Variants in WNT10B observed in about 807,000 individuals in gnomAD.
WNT10B encodes protein Wnt-10b.
A neutral mutation model predicts 32.7 loss-of-function variants in WNT10B; 26 were observed. The ratio of observed to expected loss-of-function variants is 0.79; its 90% CI spans 0.58 to 1.10. The LOEUF is 1.10. WNT10B is among the 50% of genes least tolerant of loss of function. WNT10B has a pLI of 0.00. For missense variants in WNT10B, 474 were observed against 532.5 expected, an observed-to-expected ratio of 0.89 and a Z score of 1.08; for synonymous variants, 204 against 220.4, an observed-to-expected ratio of 0.93 and a Z score of 0.66.
chr12:48,968,061 C>T lies in WNT10B; in HGVS notation c.596G>A (p.Cys199Tyr). Residue 199 changes from cysteine to tyrosine, a missense_variant, in exon 4 of 5, where the codon TGT (cysteine) becomes TAT (tyrosine). Physicochemically the swap from Cys to Tyr is radical, Grantham distance 194. Transcript: ENST00000301061. ...CTCTCCAAAGTCCATGTCATGGTTA[C>T]AGCCACCCCATTCCCATGTGTCCTG... ...GPQDTWEWGGCNHDMDFGEKF... is the reference protein window; with the variant it reads ...GPQDTWEWGGYNHDMDFGEKF... 4.3e-6 allele frequency: 7 copies of T among 1,614,274 alleles called. No homozygotes were observed. Among genetic ancestry groups the T allele is most frequent in the Non-Finnish European group, 5.1e-6 (6 of 1,180,046 alleles).
chr12:48,969,981 A>G (rs1940816433), intron 3 of WNT10B, 108 bp downstream of exon 3: 1 of 1,267,440 alleles, frequency 7.9e-7, no homozygotes, highest in Non-Finnish European at 1.0e-6. Flanking sequence ...ATTCCAGGAG[A>G]GGCCCCTCCC....
At chr12:48,971,095 G>A (rs1940847050) in intron 1 of WNT10B, among the ~76,000 whole-genome samples, 2 of 152,160 alleles carry the variant, frequency 1.3e-5, no homozygotes, top group Non-Finnish European at 2.9e-5. Flanking sequence ...GAGCAGCAAG[G>A]AAAGAGGAGA....
rs191833243 is a variant in WNT10B at position 48,970,409 on chromosome 12, C to A, written c.74+47G>T. On this transcript the variant is annotated intron_variant, in intron 2 of 4. Transcript: ENST00000301061. The surrounding 1 kb of genome is among the most constrained non-coding windows in gnomAD (Gnocchi z 5.0). ...TCCAGACCCCTCCAACTCTCCCCAC[C>A]CCGGGTCGGTGTTTCTATGGCCTGG... 8.2e-5 allele frequency: 132 copies of A among 1,613,902 alleles called. No individual in the cohort carries two copies. The highest frequency in any genetic ancestry group is 1.1e-4 in the Non-Finnish European group (127 of 1,179,908).
At chr12:48,968,342 G>T (rs751769038) in intron 3 of WNT10B, 23 bp from the exon 4 acceptor site, 7 of 1,599,734 alleles carry the variant, frequency 4.4e-6, no homozygotes, top group Non-Finnish European at 5.9e-6. Context: ...AGGGTGTGAT[G>T]GTGGAGGTAA....
intron 4 of WNT10B, 27 bp from the exon 5 acceptor site, chr12:48,966,580 A>G (rs1286111561): frequency 6.2e-7 from 1 of 1,610,140 alleles, no homozygotes; most frequent in Non-Finnish European, 8.5e-7. Flanking sequence ...AAAAGAGGTG[A>G]AGCAGAGGGC....
rs1369585897 is a variant in WNT10B at position 48,970,092 on chromosome 12, G to T, written c.334C>A (p.Arg112Ser). Residue 112 changes from arginine (R) to serine (S), a missense_variant, in exon 3 of 5, where the codon CGC (arginine) becomes AGC (serine). Coordinates refer to ENST00000301061, the MANE Select transcript of WNT10B (RefSeq NM_003394.4). This position sits in a 1 kb window ranked among gnomAD's most constrained non-coding sequence, Gnocchi z 5.0. ...CGACCCGCCCAGCCAGGCTCACCGC[G>T]CTTGAGGATGGCGCTGTGGTGCGGC... ...RLPHHSAILK[R>S]GFRESAFSFS... 3 of 1,520,176 alleles carry T rather than the reference G, an allele frequency of 2.0e-6. No individual in the cohort carries two copies. The highest frequency in any genetic ancestry group is 2.5e-5 in the East Asian group (1 of 40,364). The allele number at this position is 1,520,176 out of a possible 1,614,324, so 94.2% of individuals were successfully genotyped here. A position where few individuals can be genotyped will look rare whatever the true frequency, so the allele number is the denominator to read the frequency against.
At position 48,970,742 on chromosome 12, in the gene WNT10B, T is replaced by G. The variant is rs184290769; in HGVS notation, c.-40-173A>C. ...CTTGATTCCCAGAGTCCCTGAGGCT[T>G]GGAGGTCTTAAAGAAGAAGAGTCAA... is the stretch of plus-strand genomic sequence containing the variant. On this transcript the variant is annotated intron_variant, in intron 1 of 4. Transcript: ENST00000301061. The surrounding 1 kb of genome is among the most constrained non-coding windows in gnomAD (Gnocchi z 5.0). The G allele has an allele frequency of 1.6e-6, 1 of 614,746 alleles. No individual in the cohort carries two copies. Among genetic ancestry groups the G allele is most frequent in the East Asian group, 2.7e-5 (1 of 36,396 alleles). 38.1% of individuals were successfully genotyped at this position (614,746 alleles called of 1,614,324 possible).
At position 48,968,190 on chromosome 12, in the gene WNT10B, C is replaced by T. The variant is rs775006934; in HGVS notation, c.467G>A (p.Arg156Gln). ...CGWKGSGEQD[R>Q]LRAKLLQLQA... ...CAGCTGCAGCAGTTTGGCCCTCAGC[C>T]GATCCTGCTCACCACTGCCCTTCCA... The change falls in exon 4 of 5, where the codon CGG becomes CAG. Residue 156 changes from arginine to glutamine, a missense_variant. Physicochemically the swap from Arg to Gln is conservative, Grantham distance 43. Coordinates refer to ENST00000301061, the MANE Select transcript of WNT10B (RefSeq NM_003394.4). The T allele has an allele frequency of 2.5e-6, 4 of 1,613,808 alleles. No homozygotes were observed. The highest frequency in any genetic ancestry group is 1.6e-4 in the Middle Eastern group (1 of 6,062).
chr12:48,968,273 G>A lies in WNT10B; in HGVS notation c.384C>T (p.Val128=), dbSNP rs778667843. The part of the protein sequence containing the change: ...AFSFSMLAAG[V]MHAVATACSL... ...TGCAGGCCGTGGCTACTGCGTGCAT[G>A]ACCCCAGCAGCCAGCATGGAGAAGG... is the stretch of plus-strand genomic sequence containing the variant. The change falls in exon 4 of 5, where the codon GTC becomes GTT. Residue 128 remains valine, a synonymous_variant. Transcript: ENST00000301061. 2 of 1,606,286 alleles carry A rather than the reference G, an allele frequency of 1.2e-6. No homozygotes were observed. Among genetic ancestry groups the A allele is most frequent in the Non-Finnish European group, 8.5e-7 (1 of 1,180,006 alleles).
intron 3 of WNT10B, 129 bp downstream of exon 3, chr12:48,969,960 G>C (rs571527418): frequency 3.2e-5 from 38 of 1,172,286 alleles, no homozygotes; most frequent in Middle Eastern, 6.0e-4. Flanking sequence ...CGGCTCCGGG[G>C]GGGGCGGGGA....
chr12:48,966,427 C>T lies in WNT10B; in HGVS notation c.838G>A (p.Gly280Ser). The T allele has an allele frequency of 6.2e-7, 1 of 1,614,022 alleles. No homozygotes were observed. Among genetic ancestry groups the T allele is most frequent in the East Asian group, 2.2e-5 (1 of 44,880 alleles). ...TGGGTATCAATGAAGATGGCCCGGC[C>T]CAGCCGCTCCCTCAACGCCGCCCCC... Reference protein sequence around the residue: ...AVGAALRERLGRAIFIDTHNR... With the variant: ...AVGAALRERLSRAIFIDTHNR... The change falls in exon 5 of 5, where the codon GGC becomes AGC. Residue 280 changes from glycine (G) to serine (S), a missense_variant. By Grantham distance (56) the Gly-to-Ser change is moderately conservative. Coordinates refer to ENST00000301061, the MANE Select transcript of WNT10B (RefSeq NM_003394.4).
At position 48,970,929 on chromosome 12, in the gene WNT10B, A is replaced by G. The variant is rs1218642104; in HGVS notation, c.-40-360T>C. 2 of 309,100 alleles carry G rather than the reference A, an allele frequency of 6.5e-6. No homozygotes were observed. Among genetic ancestry groups the G allele is most frequent in the Non-Finnish European group, 1.2e-5 (2 of 161,588 alleles). 19.1% of individuals were successfully genotyped at this position (309,100 alleles called of 1,614,324 possible). ...CTACTGCTCCCTTTTCCAGGGCCCC[A>G]CGACTAGCTTCCCCGCCCTCACAGG... On this transcript the variant is annotated intron_variant, in intron 1 of 4. Transcript: ENST00000301061. The surrounding 1 kb of genome is among the most constrained non-coding windows in gnomAD (Gnocchi z 5.0).
At chr12:48,968,559 T>C (rs1490423516) in intron 3 of WNT10B, among the ~76,000 whole-genome samples, 1 of 152,160 alleles carries the variant, frequency 6.6e-6, no homozygotes, top group Non-Finnish European at 1.5e-5. Context: ...CAAGATGATC[T>C]CTGAGGCCCA....
chr12:48,969,834 G>C (rs1940812595), intron 3 of WNT10B, among the ~76,000 whole-genome samples: 1 of 151,992 alleles, frequency 6.6e-6, no homozygotes, highest in African/African-American at 2.4e-5. Context: ...GCTGAGCGGA[G>C]GCAGGAAAGG....
chr12:48,970,236 GCAGGCACAGGCCTAGCTGCCGCTTGCT>G lies in WNT10B; in HGVS notation c.163_189del (p.Ser55_Leu63del). 1 of 1,608,958 alleles carries G rather than the reference GCAGGCACAGGCCTAGCTGCCGCTTGCT, an allele frequency of 6.2e-7. No individual in the cohort carries two copies. Among genetic ancestry groups the G allele is most frequent in the Non-Finnish European group, 8.5e-7 (1 of 1,177,992 alleles). ...GCGGACGCCGTCACGTCGGGGTTGC[GCAGGCACAGGCCTAGCTGCCGCTTGCT>G]CAGGCCGGACAGCGTCAAGCACACG... On this transcript the variant is annotated inframe_deletion, in exon 3 of 5. Coordinates refer to ENST00000301061, the MANE Select transcript of WNT10B (RefSeq NM_003394.4). This position sits in a 1 kb window ranked among gnomAD's most constrained non-coding sequence, Gnocchi z 5.0.
chr12:48,966,638 A>G, intron 4 of WNT10B, 85 bp from the exon 5 acceptor site: 4 of 1,496,814 alleles, frequency 2.7e-6, no homozygotes, highest in Non-Finnish European at 2.7e-6. Flanking sequence ...GGGAACAGAG[A>G]ACACAGGGAG....
chr12:48,970,316 G>C lies in WNT10B; in HGVS notation c.110C>G (p.Pro37Arg), dbSNP rs145655440. Residue 37 changes from proline to arginine, a missense_variant, in exon 3 of 5, where the codon CCT (proline) becomes CGT (arginine). Coordinates refer to ENST00000301061, the MANE Select transcript of WNT10B (RefSeq NM_003394.4). The surrounding 1 kb of genome is among the most constrained non-coding windows in gnomAD (Gnocchi z 5.0). ...GTTGGCCGTCAGCGGCGGCTCGCCA[G>C]GCAACTTCAGGCCCAGAATCTCATT... Reference protein sequence around the residue: ...LSNEILGLKLPGEPPLTANTV... With the variant: ...LSNEILGLKLRGEPPLTANTV... 215 of 1,613,866 alleles carry C rather than the reference G, an allele frequency of 1.3e-4. No homozygotes were observed. Among genetic ancestry groups the C allele is most frequent in the African/African-American group, 2.7e-5 (2 of 74,956 alleles).
chr12:48,965,955 C>T lies in WNT10B; in HGVS notation c.*140G>A, dbSNP rs1940722606. ...CATCCCAGAGTCCACCTGACCCCCA[C>T]CACCCCTAAAGCTGTTTCCAGGTAG... On this transcript the variant is annotated 3_prime_UTR_variant, in exon 5 of 5. Coordinates refer to ENST00000301061, the MANE Select transcript of WNT10B (RefSeq NM_003394.4). 9.6e-7 allele frequency: 1 copy of T among 1,043,882 alleles called. No homozygotes were observed. Among genetic ancestry groups the T allele is most frequent in the Admixed American group, 2.1e-5 (1 of 46,928 alleles). 64.7% of individuals were successfully genotyped at this position (1,043,882 alleles called of 1,614,324 possible).
At position 48,966,050 on chromosome 12, in the gene WNT10B, C is replaced by G; in HGVS notation, c.*45G>C. The G allele has an allele frequency of 6.2e-7, 1 of 1,608,326 alleles. No individual in the cohort carries two copies. The highest frequency in any genetic ancestry group is 8.5e-7 in the Non-Finnish European group (1 of 1,177,056). ...CAGAGCAAAGGGCTGAAAAGGCGCC[C>G]CTCTCACACAGTCCTCTTCCCCAGC... On this transcript the variant is annotated 3_prime_UTR_variant, in exon 5 of 5. Coordinates refer to ENST00000301061, the MANE Select transcript of WNT10B (RefSeq NM_003394.4).
Sources: gnomAD v4.1 joint callset for allele counts (sites outside exome capture counted in the v4.1 genomes callset) on GRCh38, gnomAD v4.1.1 for gene constraint, Gnocchi (gnomAD v3.1) non-coding constraint, MANE v1.5 for transcripts, NCBI Gene and HGNC (gene_info 2026-07-23, HGNC 2026-07-21) for gene names.